Variants in USP48 observed in about 807,000 individuals in gnomAD.
USP48 encodes ubiquitin specific peptidase 48.
Under a neutral mutation model 150.7 loss-of-function variants are expected in USP48, and 43 were observed. The observed-to-expected ratio is 0.29, with a 90% confidence interval of 0.22 to 0.37. The LOEUF is 0.37. Among genes scored for constraint, USP48 ranks in the 10% least tolerant of loss-of-function variants. USP48 has a pLI of 1.00. For missense variants in USP48, 813 were observed against 1,249.6 expected (o/e 0.65, Z 5.27); for synonymous variants, 396 against 425.9 (o/e 0.93, Z 0.86).
At chr1:21,707,722 C>T (rs1322512971) in intron 15 of USP48, among the ~76,000 whole-genome samples, 2 of 152,090 alleles carry the variant, frequency 1.3e-5, no homozygotes, top group Non-Finnish European at 2.9e-5. Context: ...GTTTCTGCAC[C>T]CATTGGCAAG....
chr1:21,732,957 G>C (rs955719534), intron 9 of USP48: 1 of 157,146 alleles, frequency 6.4e-6, no homozygotes, highest in Admixed American at 6.3e-5. Context: ...GAAAAAAAAA[G>C]TTGTTCAACT....
At chr1:21,729,670 A>G (rs1310854155) in intron 10 of USP48, 34 bp downstream of exon 10, 2 of 1,605,428 alleles carry the variant, frequency 1.2e-6, no homozygotes, top group African/African-American at 2.7e-5. Context: ...ATTCTAAAAC[A>G]TTTGCCTGCT....
rs1216699965 is a variant in USP48 at position 21,678,469 on chromosome 1, C to A, written c.*948G>T. 6.6e-6 allele frequency: 1 copy of A among 152,102 alleles called. No homozygotes were observed. The highest frequency in any genetic ancestry group is 2.4e-5 in the African/African-American group (1 of 41,396). 9.4% of individuals were successfully genotyped at this position (152,102 alleles called of 1,614,324 possible). A position where few individuals can be genotyped will look rare whatever the true frequency, so the allele number is the denominator to read the frequency against. Reference sequence around the variant, plus strand: ...AATGATCTAAGAGACCCTCTCAGGGCATTTTGGAATAATGCTTTCAAAAAG... The same window carrying A: ...AATGATCTAAGAGACCCTCTCAGGGAATTTTGGAATAATGCTTTCAAAAAG... On this transcript the variant is annotated 3_prime_UTR_variant, in exon 27 of 27. Coordinates refer to ENST00000308271, the MANE Select transcript of USP48 (RefSeq NM_032236.8).
At chr1:21,746,442 T>C (rs531718396) in intron 8 of USP48, among the ~76,000 whole-genome samples, 53 of 151,640 alleles carry the variant, frequency 3.5e-4, no homozygotes, top group Middle Eastern at 3.4e-3. Flanking sequence ...AGAGCAAGAC[T>C]CCGTCTCAAA....
chr1:21,683,380 A>G (rs574067272), intron 25 of USP48, among the ~76,000 whole-genome samples: 1 of 152,220 alleles, frequency 6.6e-6, no homozygotes, highest in East Asian at 1.9e-4. Context: ...ATCACCTTGA[A>G]TATTTATTAT....
intron 17 of USP48, 57 bp from the exon 18 acceptor site, chr1:21,706,244 A>G: frequency 6.3e-7 from 1 of 1,577,248 alleles, no homozygotes. Context: ...CTTAACACAA[A>G]TTCCTTATAA....
chr1:21,729,578 T>A, intron 10 of USP48, 126 bp downstream of exon 10: 1 of 1,184,300 alleles, frequency 8.4e-7, no homozygotes, highest in Non-Finnish European at 1.1e-6. Flanking sequence ...ATATTTACTT[T>A]CACCAACATT....
At chr1:21,752,687 CT>C (rs1346147944) in intron 4 of USP48, 36 bp from the exon 5 acceptor site, 1 of 1,563,438 alleles carries the variant, frequency 6.4e-7, no homozygotes, top group African/African-American at 1.4e-5. Context: ...AAAATCATAT[CT>C]TGCTTTTCAA....
At chr1:21,747,269 C>T (rs2097796731) in intron 7 of USP48, 120 bp from the exon 8 acceptor site, 3 of 592,090 alleles carry the variant, frequency 5.1e-6, no homozygotes, top group African/African-American at 1.9e-5. Context: ...AATCTTCCTC[C>T]AAAACATGTA....
intron 6 of USP48, among the ~76,000 whole-genome samples, chr1:21,748,986 T>C (rs1236542773): frequency 1.3e-5 from 2 of 152,192 alleles, no homozygotes; most frequent in Non-Finnish European, 2.9e-5. Flanking sequence ...CAAAATTATA[T>C]ACATATTTGT....
At chr1:21,683,945 T>C (rs1272449215) in intron 25 of USP48, among the ~76,000 whole-genome samples, 1 of 152,208 alleles carries the variant, frequency 6.6e-6, no homozygotes, top group East Asian at 1.9e-4. Flanking sequence ...CCCATGTTGC[T>C]GCAAATGACA....
chr1:21,711,366 TC>T (rs2097689737), intron 15 of USP48, among the ~76,000 whole-genome samples: 2 of 152,052 alleles, frequency 1.3e-5, no homozygotes, highest in African/African-American at 4.8e-5. Context: ...AGATGCTCAG[TC>T]CCCTTCTCTG....
Position 21,721,172 on chromosome 1 carries a change from G to C in USP48, c.1764-6C>G. 1 of 1,613,796 alleles carries C rather than the reference G, an allele frequency of 6.2e-7. No individual in the cohort carries two copies. The highest frequency in any genetic ancestry group is 2.2e-5 in the East Asian group (1 of 44,872). ...CCACCCAAAATCCATCGCTGCTGTG[G>C]AACAGAGAGAATGTTAAATCATATA... is the stretch of plus-strand genomic sequence containing the variant. On this transcript the variant is annotated splice_region_variant and splice_polypyrimidine_tract_variant and intron_variant, in intron 13 of 26. Coordinates refer to ENST00000308271, the MANE Select transcript of USP48 (RefSeq NM_032236.8).
At chr1:21,760,753 T>C (rs1023701103) in intron 1 of USP48, among the ~76,000 whole-genome samples, 1 of 148,116 alleles carries the variant, frequency 6.8e-6, no homozygotes, top group African/African-American at 2.5e-5. Flanking sequence ...TAAAAAAAGG[T>C]AGGGAAAGCT....
At chr1:21,778,278 C>T (rs1366882280) in intron 1 of USP48, among the ~76,000 whole-genome samples, 1 of 151,908 alleles carries the variant, frequency 6.6e-6, no homozygotes, top group Non-Finnish European at 1.5e-5. Context: ...AATAAGTACA[C>T]AAAAAGATGT....
Position 21,757,663 on chromosome 1 carries a change from CTT to C in USP48, c.253_254del (p.Lys85GlufsTer8). The C allele has an allele frequency of 6.2e-7, 1 of 1,603,800 alleles. No homozygotes were observed. The highest frequency in any genetic ancestry group is 8.5e-7 in the Non-Finnish European group (1 of 1,177,326). ...IDDPNCERRK[K>X]NSFVGLTNLG... The stretch of plus-strand genomic sequence containing the variant: ...AATCGCTTAAAAAATGATGGTTTAC[CTT>C]TTTTCTCCTCTCACAGTTGGGATCA... On this transcript the variant is annotated frameshift_variant and splice_region_variant, in exon 2 of 27. Coordinates refer to ENST00000308271, the MANE Select transcript of USP48 (RefSeq NM_032236.8). LOFTEE classifies it high-confidence loss of function.
At chr1:21,685,820 A>G (rs2097579106) in intron 25 of USP48, 1 of 152,174 alleles carries the variant, frequency 6.6e-6, no homozygotes, top group East Asian at 1.9e-4. Flanking sequence ...TTTTCTACAT[A>G]TATAAGATCA....
intron 1 of USP48, among the ~76,000 whole-genome samples, chr1:21,767,284 G>A (rs192747403): frequency 2.0e-5 from 3 of 152,132 alleles, no homozygotes; most frequent in Admixed American, 6.5e-5. Flanking sequence ...CTTGACTCAG[G>A]ATTATAGGCA....
intron 12 of USP48, 62 bp downstream of exon 12, chr1:21,723,836 G>C: frequency 7.0e-7 from 1 of 1,437,546 alleles, no homozygotes; most frequent in Non-Finnish European, 9.6e-7. Flanking sequence ...CACTCATAAA[G>C]ACCATAAGAT....
Sources: allele counts gnomAD v4.1 joint callset (sites outside exome capture counted in the v4.1 genomes callset), GRCh38; gene constraint gnomAD v4.1.1; transcripts MANE v1.5; gene names NCBI Gene and HGNC (gene_info 2026-07-23, HGNC 2026-07-21).